Variants in ITPR3 observed in about 807,000 individuals in gnomAD.
ITPR3 encodes the protein inositol 1,4,5-trisphosphate receptor type 3.
A neutral mutation model predicts 293.2 loss-of-function variants in ITPR3; 173 were observed. That is an observed-to-expected ratio of 0.59 (90% CI 0.52 to 0.67). ITPR3 has a LOEUF of 0.67. Among genes scored for constraint, ITPR3 ranks in the 30% least tolerant of loss-of-function variants. The probability of loss-of-function intolerance (pLI) is 0.00; values close to 1 mark genes in which losing one functional copy is unlikely to be tolerated. For synonymous variants in ITPR3, 1,295 were observed against 1,444.4 expected (o/e 0.90, Z 2.35); for missense variants, 2,796 against 3,592.1 (o/e 0.78, Z 5.66).
chr6:33,684,011 C>T lies in ITPR3; in HGVS notation c.4789-9C>T, dbSNP rs140545989. 26,351 of 1,592,518 alleles carry T rather than the reference C, an allele frequency of 0.017. 270 individuals carry two copies. The highest frequency in any genetic ancestry group is 0.019 in the Non-Finnish European group (22,168 of 1,168,710). ...GGGCCTGGCAATGACTCTGCCCTGC[C>T]CACCCCAGGACATCATCACAGCCCT... On this transcript the variant is annotated splice_polypyrimidine_tract_variant and intron_variant, in intron 35 of 57. Transcript: ENST00000605930. The surrounding 1 kb of genome is among the most constrained non-coding windows in gnomAD (Gnocchi z 4.2).
intron 56 of ITPR3, 27 bp from the exon 57 acceptor site, chr6:33,694,897 G>A (rs770313043): frequency 6.2e-6 from 10 of 1,613,988 alleles, no homozygotes; most frequent in Admixed American, 1.7e-5. Flanking sequence ...GCCCACGCCT[G>A]CTTAACCCAC....
In ITPR3 at chr6:33,662,923, G is replaced by A. The variant is rs368449352; in HGVS notation, c.871G>A (p.Asp291Asn). 2 of 1,597,550 alleles carry A rather than the reference G, an allele frequency of 1.3e-6. No individual in the cohort carries two copies. Among genetic ancestry groups the A allele is most frequent in the South Asian group, 2.3e-5 (2 of 88,336 alleles). Residue 291 changes from aspartate (D) to asparagine (N), a missense_variant, in exon 9 of 58, where the codon GAC becomes AAC. By Grantham distance (23) the Asp-to-Asn change is conservative. This residue lies in a region of ITPR3 where 955 missense variants were observed against 1,180.8 expected (regional missense o/e 0.81). Transcript: ENST00000605930. ...ALWEVEVVHHDPCRGGAGHWN... is the reference protein window; with the variant it reads ...ALWEVEVVHHNPCRGGAGHWN... ...TGTGTGCCCCTAGGTGGTCCACCACGACCCCTGCCGTGGAGGAGCTGGGCA... is the reference window on the plus strand; with the variant it reads ...TGTGTGCCCCTAGGTGGTCCACCACAACCCCTGCCGTGGAGGAGCTGGGCA...
At chr6:33,663,915 T>C (rs1269655768) in intron 11 of ITPR3, 35 bp downstream of exon 11, 1 of 1,611,782 alleles carries the variant, frequency 6.2e-7, no homozygotes, top group East Asian at 2.2e-5. Context: ...AGTTGACTGG[T>C]GGTGCTCAGG....
In ITPR3 at chr6:33,690,958, C is replaced by T. The variant is rs142885789; in HGVS notation, c.7074C>T (p.Val2358=). Residue 2358 remains valine, a synonymous_variant, in exon 52 of 58, where the codon GTC becomes GTT. Transcript: ENST00000605930. Reference sequence around the variant, plus strand: ...ACCGCGAGGAGACGCTGTTCAACGTCATCAAGAGTGTGACCCGCAATGGCC... The same window carrying T: ...ACCGCGAGGAGACGCTGTTCAACGTTATCAAGAGTGTGACCCGCAATGGCC... ...LIYREETLFN[V]IKSVTRNGRS... 2.9e-5 allele frequency: 47 copies of T among 1,614,108 alleles called. No homozygotes were observed. The highest frequency in any genetic ancestry group is 3.9e-5 in the Non-Finnish European group (46 of 1,180,046).
At chr6:33,663,445 G>T in intron 9 of ITPR3, 55 bp from the exon 10 acceptor site, 3 of 1,530,768 alleles carry the variant, frequency 2.0e-6, no homozygotes, top group Non-Finnish European at 1.8e-6. Flanking sequence ...GCAGTGGGTC[G>T]TGTGGGTATA....
At chr6:33,659,188 G>C in intron 6 of ITPR3, 69 bp downstream of exon 6, 1 of 1,404,050 alleles carries the variant, frequency 7.1e-7, no homozygotes. Flanking sequence ...TAGACACCCC[G>C]CTCCCTGCCA....
chr6:33,638,753 A>G lies in ITPR3; in HGVS notation c.90-1731A>G, dbSNP rs1374978994. 1.3e-5 allele frequency among the ~76,000 whole-genome samples: 2 copies of G among 152,262 alleles called. No homozygotes were observed. Among genetic ancestry groups the G allele is most frequent in the African/African-American group, 2.4e-5 (1 of 41,468 alleles). On this transcript the variant is annotated intron_variant, in intron 1 of 57. Transcript: ENST00000605930. The surrounding 1 kb of genome is among the most constrained non-coding windows in gnomAD (Gnocchi z 4.3). ...GAAAACACACAGGGGCTCCGTTCTC[A>G]AGGAACTCACAGTGTAGACACAGCA...
In ITPR3 at chr6:33,665,349, G is replaced by A. The variant is rs568158725; in HGVS notation, c.1409+136G>A. Reference sequence around the variant, plus strand: ...GGGGACTGGCCCCTGTGGGGCCCTGGCTGAGCCTGGGACCCTGGAGTTGGG... The same window carrying A: ...GGGGACTGGCCCCTGTGGGGCCCTGACTGAGCCTGGGACCCTGGAGTTGGG... On this transcript the variant is annotated intron_variant, in intron 13 of 57. Transcript: ENST00000605930. 489 of 1,181,450 alleles carry A rather than the reference G, an allele frequency of 4.1e-4. 2 individuals are homozygous for A. The highest frequency in any genetic ancestry group is 4.9e-4 in the Non-Finnish European group (421 of 851,696). 73.2% of individuals were successfully genotyped at this position (1,181,450 alleles called of 1,614,324 possible). A position where few individuals can be genotyped will look rare whatever the true frequency, so the allele number is the denominator to read the frequency against.
intron 17 of ITPR3, among the ~76,000 whole-genome samples, 153 bp downstream of exon 17, chr6:33,668,787 C>T (rs1345769887): frequency 6.6e-6 from 1 of 152,166 alleles, no homozygotes; most frequent in Non-Finnish European, 1.5e-5. Flanking sequence ...CGCTGTGTGC[C>T]TGGCACTGTG....
chr6:33,670,303 C>T lies in ITPR3; in HGVS notation c.2190-22C>T, dbSNP rs1764720310. ...TCCCGGCTGCCATCTGCCGTGTCCT[C>T]ACAGTCCTCCCTGTCCTGCAGGTAC... On this transcript the variant is annotated intron_variant, in intron 18 of 57. Transcript: ENST00000605930. This position sits in a 1 kb window ranked among gnomAD's most constrained non-coding sequence, Gnocchi z 6.7. 6.2e-7 allele frequency: 1 copy of T among 1,613,398 alleles called. No individual in the cohort carries two copies. Among genetic ancestry groups the T allele is most frequent in the Admixed American group, 1.7e-5 (1 of 60,016 alleles).
intron 7 of ITPR3, among the ~76,000 whole-genome samples, chr6:33,661,423 C>T (rs1764460280): frequency 6.6e-6 from 1 of 152,200 alleles, no homozygotes; most frequent in African/African-American, 2.4e-5. Context: ...TTGCATGACC[C>T]TCGGCAGGAT....
At position 33,672,007 on chromosome 6, in the gene ITPR3, T is replaced by G; in HGVS notation, c.2729-22T>G. Reference sequence around the variant, plus strand: ...AGCCTCTACAACCTCCTTGGCAACCTCCTCTGCTTCCCCCTCCACAGGCAA... The same window carrying G: ...AGCCTCTACAACCTCCTTGGCAACCGCCTCTGCTTCCCCCTCCACAGGCAA... On this transcript the variant is annotated intron_variant, in intron 21 of 57. Coordinates refer to ENST00000605930, the MANE Select transcript of ITPR3 (RefSeq NM_002224.4). This position sits in a 1 kb window ranked among gnomAD's most constrained non-coding sequence, Gnocchi z 5.0. 1 of 1,577,256 alleles carries G rather than the reference T, an allele frequency of 6.3e-7. No homozygotes were observed. The highest frequency in any genetic ancestry group is 8.6e-7 in the Non-Finnish European group (1 of 1,160,462).
chr6:33,685,648 G>A lies in ITPR3; in HGVS notation c.5488G>A (p.Val1830Met), dbSNP rs369714621. ...TCACCAGGTCTCGCCCACAGGCCGCGTGGCCTCCTTCTCGATACCTGGCTC... is the reference window on the plus strand; with the variant it reads ...TCACCAGGTCTCGCCCACAGGCCGCATGGCCTCCTTCTCGATACCTGGCTC... The part of the protein sequence containing the change: ...EPVDPTTKGR[V>M]ASFSIPGSSS... The change falls in exon 41 of 58, where the codon GTG becomes ATG. Residue 1830 changes from valine (V) to methionine (M), a missense_variant. Coordinates refer to ENST00000605930, the MANE Select transcript of ITPR3 (RefSeq NM_002224.4). 89 of 1,584,508 alleles carry A rather than the reference G, an allele frequency of 5.6e-5. No homozygotes were observed. The highest frequency in any genetic ancestry group is 7.1e-5 in the Non-Finnish European group (82 of 1,161,924).
At position 33,670,788 on chromosome 6, in the gene ITPR3, C is replaced by T. The variant is rs1343897315; in HGVS notation, c.2559C>T (p.Asn853=). 2 of 1,614,002 alleles carry T rather than the reference C, an allele frequency of 1.2e-6. No homozygotes were observed. Among genetic ancestry groups the T allele is most frequent in the South Asian group, 1.1e-5 (1 of 91,070 alleles). The change falls in exon 20 of 58, where the codon AAC becomes AAT. Residue 853 remains asparagine (N), a synonymous_variant. Coordinates refer to ENST00000605930, the MANE Select transcript of ITPR3 (RefSeq NM_002224.4). The surrounding 1 kb of genome is among the most constrained non-coding windows in gnomAD (Gnocchi z 6.7). ...TCAGCGAGGCCGTGCCCTTTGCCAA[C>T]GAGGAGAAGAACAAGCTCACTTTTG... The part of the protein sequence containing the change: ...NVVSEAVPFA[N]EEKNKLTFEV...
At chr6:33,642,521 G>C (rs571771831) in intron 2 of ITPR3, among the ~76,000 whole-genome samples, 1 of 152,274 alleles carries the variant, frequency 6.6e-6, no homozygotes, top group Admixed American at 6.5e-5. Flanking sequence ...GTGACAGGCT[G>C]GTGACAGGGA....
At chr6:33,690,787 G>T in intron 51 of ITPR3, 130 bp from the exon 52 acceptor site, 1 of 783,220 alleles carries the variant, frequency 1.3e-6, no homozygotes. Flanking sequence ...ACTAAGTGCA[G>T]ACCTCCCTGG....
Position 33,658,932 on chromosome 6 carries a change from G to C in ITPR3, c.529-89G>C, listed in dbSNP as rs1209407468. ...ATAAGGGCATGCCCATTTCTTAGAAGGGCAGACTGAGACCAAAGGGAGGCC... is the reference window on the plus strand; with the variant it reads ...ATAAGGGCATGCCCATTTCTTAGAACGGCAGACTGAGACCAAAGGGAGGCC... On this transcript the variant is annotated intron_variant, in intron 5 of 57. Coordinates refer to ENST00000605930, the MANE Select transcript of ITPR3 (RefSeq NM_002224.4). The surrounding 1 kb of genome is among the most constrained non-coding windows in gnomAD (Gnocchi z 6.1). 6.3e-7 allele frequency: 1 copy of C among 1,599,160 alleles called. No homozygotes were observed. Among genetic ancestry groups the C allele is most frequent in the Non-Finnish European group, 8.6e-7 (1 of 1,168,612 alleles).
intron 1 of ITPR3, among the ~76,000 whole-genome samples, chr6:33,631,047 C>T (rs542562229): frequency 6.6e-6 from 1 of 152,110 alleles, no homozygotes; most frequent in Non-Finnish European, 1.5e-5. Flanking sequence ...GGAGAAAGGG[C>T]CCCCCAGGCT....
At chr6:33,671,829 CCTT>C (rs997397257) in intron 21 of ITPR3, among the ~76,000 whole-genome samples, 197 bp from the exon 22 acceptor site, 59 of 152,184 alleles carry the variant, frequency 3.9e-4, no homozygotes, top group African/African-American at 1.4e-3. Context: ...CCTGACACCT[CCTT>C]CTTTTCCCAG....
Sources: gnomAD v4.1 joint callset for allele counts (sites outside exome capture counted in the v4.1 genomes callset) on GRCh38, gnomAD v4.1.1 for gene constraint, gnomAD v4.1.1 regional missense constraint, Gnocchi (gnomAD v3.1) non-coding constraint, MANE v1.5 for transcripts, NCBI Gene and HGNC (gene_info 2026-07-23, HGNC 2026-07-21) for gene names.